The following HS3ST5 variants were observed in gnomAD, a reference collection of about 807,000 sequenced individuals.
HS3ST5 encodes heparan sulfate glucosamine 3-O-sulfotransferase 5.
A neutral mutation model predicts 25.4 loss-of-function variants in HS3ST5; 10 were observed. The ratio of observed to expected loss-of-function variants is 0.39; its 90% CI spans 0.24 to 0.67. The LOEUF (loss-of-function observed/expected upper bound fraction) is 0.67. Among genes scored for constraint, HS3ST5 ranks in the 30% least tolerant of loss-of-function variants. The pLI, the probability that HS3ST5 is intolerant of heterozygous loss-of-function variation, is 0.44. For synonymous variants in HS3ST5, 170 were observed against 162.4 expected (o/e 1.05, Z -0.36); for missense variants, 324 against 420.7 (o/e 0.77, Z 2.01).
chr6:114,280,075 A>T (rs1362443298), intron 1 of HS3ST5, among the ~76,000 whole-genome samples: 1 of 151,846 alleles, frequency 6.6e-6, no homozygotes, highest in African/African-American at 2.4e-5. Context: ...TTCCCAAAGA[A>T]GTGATATCTA....
chr6:114,277,626 G>A (rs1477134639), intron 1 of HS3ST5, among the ~76,000 whole-genome samples: 1 of 151,608 alleles, frequency 6.6e-6, no homozygotes, highest in East Asian at 2.0e-4. Context: ...GGGTTATAAT[G>A]CTTCTTGCAC....
intron 1 of HS3ST5, among the ~76,000 whole-genome samples, chr6:114,309,606 A>G (rs904273259): frequency 6.6e-6 from 1 of 152,136 alleles, no homozygotes; most frequent in South Asian, 2.1e-4. Flanking sequence ...GGTGGTGTGC[A>G]TCTGTAATCA....
At chr6:114,136,376 T>TA (rs1777612919) in intron 3 of HS3ST5, among the ~76,000 whole-genome samples, 1 of 152,236 alleles carries the variant, frequency 6.6e-6, no homozygotes, top group South Asian at 2.1e-4. Flanking sequence ...TGCTGCCATG[T>TA]AGGATGTGAC....
chr6:114,066,568 G>C (rs1361136607), intron 3 of HS3ST5, among the ~76,000 whole-genome samples: 2 of 152,178 alleles, frequency 1.3e-5, no homozygotes, highest in African/African-American at 4.8e-5. Flanking sequence ...GGGAGGCGGA[G>C]GTTGTAGTGA....
intron 1 of HS3ST5, among the ~76,000 whole-genome samples, chr6:114,254,993 C>A (rs1048159843): frequency 5.3e-5 from 8 of 152,132 alleles, no homozygotes; most frequent in African/African-American, 1.9e-4. Context: ...AACAGTCCCC[C>A]AAGGTCTTAA....
intron 3 of HS3ST5, among the ~76,000 whole-genome samples, chr6:114,140,445 ATGT>A (rs1243688132): frequency 2.0e-5 from 3 of 152,340 alleles, no homozygotes; most frequent in East Asian, 1.9e-4. Context: ...AATCACGAAG[ATGT>A]TGTGTGACTG....
chr6:114,335,307 C>CAA lies in HS3ST5; in HGVS notation c.-339+6886_-339+6887dup, dbSNP rs60574979. The stretch of plus-strand genomic sequence containing the variant: ...TCAACTACCAGAATTAAATGAGTGG[C>CAA]AAAAAAAAAAAAAAAATCTAAGAAT... On this transcript the variant is annotated intron_variant, in intron 1 of 4. Transcript: ENST00000312719. Among the ~76,000 whole-genome samples, 98 of 128,638 alleles carry CAA rather than the reference C, an allele frequency of 7.6e-4. 1 individual carries two copies. The highest frequency in any genetic ancestry group is 2.5e-3 in the African/African-American group (92 of 37,006). The allele number at this position is 128,638 out of a possible 152,430, so 84.4% of individuals were successfully genotyped here. A position where few individuals can be genotyped will look rare whatever the true frequency, so the allele number is the denominator to read the frequency against.
chr6:114,098,359 CTGAG>C (rs2114813572), intron 3 of HS3ST5, among the ~76,000 whole-genome samples: 1 of 151,454 alleles, frequency 6.6e-6, no homozygotes, highest in African/African-American at 2.4e-5. Flanking sequence ...TTTGCAAACA[CTGAG>C]TGGTCACCAA....
At chr6:114,308,820 G>T (rs539152444) in intron 1 of HS3ST5, among the ~76,000 whole-genome samples, 1 of 152,216 alleles carries the variant, frequency 6.6e-6, no homozygotes, top group Non-Finnish European at 1.5e-5. Context: ...CTCCCTGCAT[G>T]CCAACAAAAC....
intron 1 of HS3ST5, among the ~76,000 whole-genome samples, chr6:114,230,743 C>A (rs1017602048): frequency 1.3e-5 from 2 of 151,744 alleles, no homozygotes; most frequent in African/African-American, 4.9e-5. Flanking sequence ...TACACCACCA[C>A]ACCCTGCTAT....
intron 3 of HS3ST5, among the ~76,000 whole-genome samples, chr6:114,099,898 C>A (rs1419868536): frequency 6.6e-6 from 1 of 152,010 alleles, no homozygotes; most frequent in Non-Finnish European, 1.5e-5. Context: ...TATAGTTAGT[C>A]AATATTTACA....
chr6:114,164,801 C>T (rs1779130425), intron 3 of HS3ST5, among the ~76,000 whole-genome samples: 3 of 152,178 alleles, frequency 2.0e-5, no homozygotes, highest in South Asian at 2.1e-4. Context: ...TATCTAAACT[C>T]GGTAGGAATG....
chr6:114,097,978 A>G, intron 3 of HS3ST5, among the ~76,000 whole-genome samples: 1 of 152,016 alleles, frequency 6.6e-6, no homozygotes, highest in Admixed American at 6.6e-5. Context: ...CAATCAAAAG[A>G]CAAATGCATG....
intron 2 of HS3ST5, among the ~76,000 whole-genome samples, chr6:114,169,483 C>T (rs1779370255): frequency 1.3e-5 from 2 of 152,112 alleles, no homozygotes; most frequent in East Asian, 1.9e-4. Flanking sequence ...ATATTGCCCA[C>T]ATCGTTCTAG....
At chr6:114,122,543 T>C (rs1216479962) in intron 3 of HS3ST5, among the ~76,000 whole-genome samples, 1 of 152,200 alleles carries the variant, frequency 6.6e-6, no homozygotes, top group Non-Finnish European at 1.5e-5. Context: ...TTTGGAACAA[T>C]TGTGGCATTA....
At chr6:114,196,608 A>G (rs895350212) in intron 2 of HS3ST5, among the ~76,000 whole-genome samples, 6 of 151,654 alleles carry the variant, frequency 4.0e-5, no homozygotes, top group Non-Finnish European at 8.8e-5. Context: ...CTAAAACTCA[A>G]TTATTAGCAT....
chr6:114,236,964 A>G (rs537323112), intron 1 of HS3ST5, among the ~76,000 whole-genome samples: 2 of 152,344 alleles, frequency 1.3e-5, no homozygotes, highest in South Asian at 4.1e-4. Context: ...TATCAGTTCC[A>G]CTTTCTCAGA....
intron 2 of HS3ST5, among the ~76,000 whole-genome samples, chr6:114,200,018 C>T (rs950484914): frequency 6.6e-5 from 10 of 152,136 alleles, no homozygotes; most frequent in African/African-American, 2.2e-4. Flanking sequence ...GTCAGGAGTT[C>T]GAAACCAGCC....
intron 2 of HS3ST5, among the ~76,000 whole-genome samples, chr6:114,220,471 A>G (rs1261939634): frequency 6.6e-6 from 1 of 152,010 alleles, no homozygotes; most frequent in Non-Finnish European, 1.5e-5. Context: ...ATGACTCTGT[A>G]TCACTTCCTA....
Sources: allele counts gnomAD v4.1 joint callset (sites outside exome capture counted in the v4.1 genomes callset), GRCh38; gene constraint gnomAD v4.1.1; transcripts MANE v1.5; gene names NCBI Gene and HGNC (gene_info 2026-07-23, HGNC 2026-07-21).